The following SHISAL2B variants were observed in gnomAD, a reference collection of about 807,000 sequenced individuals.
The protein encoded by SHISAL2B is protein shisa-like-2B.
Under a neutral mutation model 16.5 loss-of-function variants are expected in SHISAL2B, and 12 were observed. The ratio of observed to expected loss-of-function variants is 0.73; its 90% CI spans 0.47 to 1.18. The LOEUF (loss-of-function observed/expected upper bound fraction) is 1.18, where lower values mean the gene tolerates loss of function less well. Ranked by LOEUF, SHISAL2B falls within the 50% of genes most tolerant of loss-of-function variation. The pLI, the probability that SHISAL2B is intolerant of heterozygous loss-of-function variation, is 0.00. For synonymous variants in SHISAL2B, 72 were observed against 75.0 expected, an observed-to-expected ratio of 0.96 and a Z score of 0.21; for missense variants, 183 against 193.6, an observed-to-expected ratio of 0.95 and a Z score of 0.33.
chr5:64,690,532 G>A lies in SHISAL2B; in HGVS notation c.-92G>A, dbSNP rs1324494707. On this transcript the variant is annotated 5_prime_UTR_variant, in exon 1 of 3. Coordinates refer to ENST00000389074, the MANE Select transcript of SHISAL2B (RefSeq NM_001164442.2). ...CCCAGATCGGAAGAGCCGAGTCCGG[G>A]CAGAGGGGTCCGCGGGCTCTGGAGG... is the stretch of plus-strand genomic sequence containing the variant. The A allele has an allele frequency of 1.1e-5, 12 of 1,117,358 alleles. No individual in the cohort carries two copies. In the Admixed American group the frequency reaches 3.3e-4, roughly 30 times the overall value. 69.2% of individuals were successfully genotyped at this position (1,117,358 alleles called of 1,614,324 possible).
chr5:64,700,852 A>C (rs1279188719), intron 2 of SHISAL2B, among the ~76,000 whole-genome samples: 2 of 152,208 alleles, frequency 1.3e-5, no homozygotes, highest in Non-Finnish European at 2.9e-5. Flanking sequence ...CAGACATTAG[A>C]TTCTCGTAAG....
rs138001448 is a variant in SHISAL2B at position 64,716,570 on chromosome 5, C to A, written c.350-1319C>A. On this transcript the variant is annotated intron_variant, in intron 2 of 2. Coordinates refer to ENST00000389074, the MANE Select transcript of SHISAL2B (RefSeq NM_001164442.2). Reference sequence around the variant, plus strand: ...GTTGGTGATGGGGATATGGAGGCTGCAATTTTAAGTAATGTTTTGGGTAGG... The same window carrying A: ...GTTGGTGATGGGGATATGGAGGCTGAAATTTTAAGTAATGTTTTGGGTAGG... Among the ~76,000 whole-genome samples the A allele has an allele frequency of 6.0e-3, 920 of 152,098 alleles. 5 individuals carry two copies. The highest frequency in any genetic ancestry group is 8.1e-3 in the Non-Finnish European group (553 of 67,994).
At chr5:64,701,662 C>G (rs1741811182) in intron 2 of SHISAL2B, among the ~76,000 whole-genome samples, 2 of 152,096 alleles carry the variant, frequency 1.3e-5, no homozygotes, top group East Asian at 3.9e-4. Context: ...GTATAATAAA[C>G]AACAAGCCTG....
At chr5:64,713,997 A>T (rs952751488) in intron 2 of SHISAL2B, among the ~76,000 whole-genome samples, 4 of 120,298 alleles carry the variant, frequency 3.3e-5, no homozygotes, top group Non-Finnish European at 6.4e-5. Flanking sequence ...GTCCTCCCAT[A>T]GCTCAGAGTA....
chr5:64,703,759 C>T (rs1014562546), intron 2 of SHISAL2B, among the ~76,000 whole-genome samples: 5 of 152,106 alleles, frequency 3.3e-5, no homozygotes, highest in African/African-American at 9.7e-5. Flanking sequence ...CTACAACTGC[C>T]TCCACTCATT....
chr5:64,701,042 C>T (rs750892703), intron 2 of SHISAL2B, among the ~76,000 whole-genome samples: 1 of 152,184 alleles, frequency 6.6e-6, no homozygotes. Flanking sequence ...AGCACTGGTC[C>T]ATGGCCCAGG....
chr5:64,696,543 G>C lies in SHISAL2B; in HGVS notation c.349+879G>C, dbSNP rs140195489. On this transcript the variant is annotated intron_variant, in intron 2 of 2. Coordinates refer to ENST00000389074, the MANE Select transcript of SHISAL2B (RefSeq NM_001164442.2). ...CTCACTGAATTCTTTTCCTGGCAAG[G>C]AATATTAATAATTAAGACCCTGGGA... Among the ~76,000 whole-genome samples, 348 of 152,224 alleles carry C rather than the reference G, an allele frequency of 2.3e-3. 3 individuals are homozygous for C. Among genetic ancestry groups the C allele is most frequent in the African/African-American group, 8.0e-3 (331 of 41,526 alleles).
chr5:64,695,494 C>T lies in SHISAL2B; in HGVS notation c.192-13C>T, dbSNP rs1352589836. The T allele has an allele frequency of 2.0e-5, 30 of 1,508,396 alleles. No homozygotes were observed. The Admixed American group carries it at 3.3e-4, about 17-fold the overall frequency. The allele number at this position is 1,508,396 out of a possible 1,614,324, so 93.4% of individuals were successfully genotyped here. Reference sequence around the variant, plus strand: ...ACTTTGTGTGACACATATTTTTTTTCTGTTTTCCTCAGCATTGGTGCCTTG... The same window carrying T: ...ACTTTGTGTGACACATATTTTTTTTTTGTTTTCCTCAGCATTGGTGCCTTG... On this transcript the variant is annotated splice_polypyrimidine_tract_variant and intron_variant, in intron 1 of 2. Transcript: ENST00000389074.
intron 2 of SHISAL2B, among the ~76,000 whole-genome samples, chr5:64,698,834 T>A (rs2112059726): frequency 6.6e-6 from 1 of 152,328 alleles, no homozygotes. Context: ...TTGAATGGGG[T>A]AGCACTGCAT....
intron 2 of SHISAL2B, among the ~76,000 whole-genome samples, chr5:64,702,206 A>AT (rs397974368): frequency 0.064 from 9,524 of 148,922 alleles, 830 homozygotes; most frequent in African/African-American, 0.2. Flanking sequence ...AATATAGTTA[A>AT]TTTTTTTTTT....
At chr5:64,707,643 C>G (rs1741892809) in intron 2 of SHISAL2B, among the ~76,000 whole-genome samples, 1 of 152,158 alleles carries the variant, frequency 6.6e-6, no homozygotes. Context: ...TTTCCAAATT[C>G]TGGAGAAATC....
chr5:64,707,870 C>T lies in SHISAL2B; in HGVS notation c.350-10019C>T, dbSNP rs192337815. Among the ~76,000 whole-genome samples the T allele has an allele frequency of 2.5e-3, 388 of 152,290 alleles. 2 individuals carry two copies. The highest frequency in any genetic ancestry group is 4.3e-3 in the Non-Finnish European group (290 of 68,022). ...TCCTGTTTGATATTCGTGAACATTT[C>T]AGCTCTCTGAGAGTCCTGAAAGTTT... is the stretch of plus-strand genomic sequence containing the variant. On this transcript the variant is annotated intron_variant, in intron 2 of 2. Coordinates refer to ENST00000389074, the MANE Select transcript of SHISAL2B (RefSeq NM_001164442.2).
intron 2 of SHISAL2B, among the ~76,000 whole-genome samples, chr5:64,709,882 G>C (rs1561377220): frequency 6.6e-6 from 1 of 151,942 alleles, no homozygotes; most frequent in Non-Finnish European, 1.5e-5. Context: ...TTTTTGATGG[G>C]GTTGTTTTTT....
intron 1 of SHISAL2B, 40 bp downstream of exon 1, chr5:64,690,854 C>T (rs1221860898): frequency 6.8e-7 from 1 of 1,464,712 alleles, no homozygotes; most frequent in South Asian, 1.4e-5. Flanking sequence ...TGGCCGAGCC[C>T]GGGGCTAGGG....
chr5:64,690,893 A>G, intron 1 of SHISAL2B, 79 bp downstream of exon 1: 1 of 1,285,540 alleles, frequency 7.8e-7, no homozygotes, highest in Non-Finnish European at 1.0e-6. Context: ...CGCCAGGGCC[A>G]GGGAGGTTCC....
chr5:64,694,480 T>A (rs550924730), intron 1 of SHISAL2B, among the ~76,000 whole-genome samples: 1 of 152,220 alleles, frequency 6.6e-6, no homozygotes, highest in Admixed American at 6.5e-5. Flanking sequence ...TGGTATTAAG[T>A]TCACAGGCTT....
At chr5:64,695,995 G>T (rs1165476247) in intron 2 of SHISAL2B, among the ~76,000 whole-genome samples, 1 of 152,318 alleles carries the variant, frequency 6.6e-6, no homozygotes, top group East Asian at 1.9e-4. Flanking sequence ...TGGAGTCAAA[G>T]AAGTCAAATT....
chr5:64,708,737 T>G (rs7723260), intron 2 of SHISAL2B, among the ~76,000 whole-genome samples: 10,753 of 152,266 alleles, frequency 0.071, 1,237 homozygotes, highest in African/African-American at 0.25. Flanking sequence ...ATTTTAAATA[T>G]CTTTGCTTGC....
intron 2 of SHISAL2B, among the ~76,000 whole-genome samples, chr5:64,696,099 G>A (rs1456421156): frequency 1.3e-5 from 2 of 152,168 alleles, no homozygotes. Flanking sequence ...TATGGACATA[G>A]ATCAGTTCCC....
Sources: gnomAD v4.1 joint callset for allele counts (sites outside exome capture counted in the v4.1 genomes callset) on GRCh38, gnomAD v4.1.1 for gene constraint, MANE v1.5 for transcripts, NCBI Gene and HGNC (gene_info 2026-07-23, HGNC 2026-07-21) for gene names.